The following SNRPN variants were observed in gnomAD, a reference collection of about 807,000 sequenced individuals.
The protein encoded by SNRPN is small nuclear ribonucleoprotein polypeptide N.
Under a neutral mutation model 25.2 loss-of-function variants are expected in SNRPN, and 7 were observed. That is an observed-to-expected ratio of 0.28 (90% CI 0.16 to 0.52). The LOEUF (loss-of-function observed/expected upper bound fraction) is 0.52, where lower values mean the gene tolerates loss of function less well. Among genes scored for constraint, SNRPN ranks in the 20% least tolerant of loss-of-function variants. SNRPN has a pLI of 0.96. For missense variants in SNRPN, 196 were observed against 322.5 expected, an observed-to-expected ratio of 0.61 and a Z score of 3.00; for synonymous variants, 124 against 110.6, an observed-to-expected ratio of 1.12 and a Z score of -0.76.
intron 2 of SNRPN, chr15:24,886,713 C>G (rs932928466): frequency 1.3e-5 from 2 of 152,164 alleles, no homozygotes; most frequent in Non-Finnish European, 2.9e-5. Flanking sequence ...ATGGGTCCAG[C>G]CATAGCACAC....
chr15:24,838,938 G>C lies in SNRPN; in HGVS notation c.-579+9033G>C, dbSNP rs116882434. On this transcript the variant is annotated intron_variant, in intron 2 of 12. Transcript: ENST00000400100. ...AGGGGGCCCTTTCTGGGGTTTTATG[G>C]TGGCCTGAACCACAAACCACCCCCA... 3.5e-3 allele frequency among the ~76,000 whole-genome samples: 528 copies of C among 152,040 alleles called. 21 individuals are homozygous for C. In the East Asian group the frequency reaches 0.081, roughly 23 times the overall value.
intron 3 of SNRPN, among the ~76,000 whole-genome samples, chr15:24,933,402 G>A (rs908194313): frequency 5.9e-5 from 9 of 152,098 alleles, no homozygotes; most frequent in Non-Finnish European, 1.2e-4. Context: ...GCTTAGTATG[G>A]TGTGTGTAGG....
chr15:24,921,881 C>T (rs777925252), intron 3 of SNRPN, among the ~76,000 whole-genome samples: 79 of 152,046 alleles, frequency 5.2e-4, no homozygotes, highest in Middle Eastern at 3.4e-3. Flanking sequence ...TCCATTTCCA[C>T]CTGTTATATG....
intron 2 of SNRPN, among the ~76,000 whole-genome samples, chr15:24,962,589 T>G (rs1012262572): frequency 6.6e-6 from 1 of 152,138 alleles, no homozygotes; most frequent in Non-Finnish European, 1.5e-5. Flanking sequence ...GATATTTAGG[T>G]GTTTGTTTTT....
intron 1 of SNRPN, 50 bp downstream of exon 1, chr15:24,955,112 C>A: frequency 6.2e-7 from 1 of 1,612,590 alleles, no homozygotes; most frequent in Non-Finnish European, 8.5e-7. Context: ...GGAGCGGCCA[C>A]TTTTATTCAT....
chr15:24,865,193 C>G (rs765676729), intron 1 of SNRPN, among the ~76,000 whole-genome samples: 1 of 151,984 alleles, frequency 6.6e-6, no homozygotes, highest in Non-Finnish European at 1.5e-5. Flanking sequence ...ATTACGGGCA[C>G]CTGCCACCAT....
intron 1 of SNRPN, among the ~76,000 whole-genome samples, chr15:24,885,890 T>C (rs2057162701): frequency 6.6e-6 from 1 of 152,172 alleles, no homozygotes; most frequent in Non-Finnish European, 1.5e-5. Flanking sequence ...CATATACATT[T>C]CAAAATAATA....
upstream of SNRPN, among the ~76,000 whole-genome samples, chr15:24,952,335 T>TA (rs1159914582): frequency 1.3e-5 from 2 of 152,184 alleles, no homozygotes; most frequent in Non-Finnish European, 2.9e-5. Flanking sequence ...TTTAAGTACA[T>TA]AACCTTAAGT....
chr15:24,972,192 G>C (rs1160525427), intron 3 of SNRPN, among the ~76,000 whole-genome samples: 2 of 150,822 alleles, frequency 1.3e-5, no homozygotes, highest in Non-Finnish European at 2.9e-5. Context: ...GGAAGTGGAG[G>C]CTGCAGTGAG....
upstream of SNRPN, among the ~76,000 whole-genome samples, chr15:24,855,121 A>G (rs990492994): frequency 6.6e-6 from 1 of 152,228 alleles, no homozygotes; most frequent in Non-Finnish European, 1.5e-5. Flanking sequence ...AGCCAAATAC[A>G]TAATTATCTG....
chr15:24,892,862 G>A (rs1230363501), intron 2 of SNRPN, among the ~76,000 whole-genome samples: 1 of 152,042 alleles, frequency 6.6e-6, no homozygotes, highest in Non-Finnish European at 1.5e-5. Flanking sequence ...CAATGGATAA[G>A]TTTACATGGG....
At chr15:24,967,763 G>T (rs2075861715) in intron 2 of SNRPN, among the ~76,000 whole-genome samples, 169 bp from the exon 3 acceptor site, 1 of 144,202 alleles carries the variant, frequency 6.9e-6, no homozygotes, top group South Asian at 2.1e-4. Flanking sequence ...AGCAGAAATT[G>T]CTTCATTGCA....
chr15:24,911,715 G>C (rs1051476299), intron 2 of SNRPN, among the ~76,000 whole-genome samples: 1 of 152,190 alleles, frequency 6.6e-6, no homozygotes, highest in Admixed American at 6.5e-5. Flanking sequence ...ATGCCTCAGG[G>C]CCCAATCAGA....
chr15:24,910,865 G>A (rs2152112403), intron 2 of SNRPN: 2 of 590,328 alleles, frequency 3.4e-6, no homozygotes, highest in Non-Finnish European at 6.0e-6. Flanking sequence ...TTGATTCAGG[G>A]TGCTTTTAGT....
chr15:24,954,500 A>C (rs1031426356), upstream of SNRPN, among the ~76,000 whole-genome samples: 1 of 152,166 alleles, frequency 6.6e-6, no homozygotes, highest in Non-Finnish European at 1.5e-5. Context: ...AATCGCACCA[A>C]ATTTGAACAA....
At chr15:24,901,165 G>A (rs780079623) in intron 2 of SNRPN, among the ~76,000 whole-genome samples, 7 of 152,148 alleles carry the variant, frequency 4.6e-5, no homozygotes, top group Non-Finnish European at 7.4e-5. Flanking sequence ...TTGGTTAGAT[G>A]TATTCCTTGG....
chr15:24,957,571 T>C (rs2063132484), intron 1 of SNRPN, among the ~76,000 whole-genome samples: 1 of 152,236 alleles, frequency 6.6e-6, no homozygotes. Flanking sequence ...TTTCTGTATT[T>C]ACATTTTCCC....
At chr15:24,848,799 C>G (rs1339297018) in intron 2 of SNRPN, 5 of 152,186 alleles carry the variant, frequency 3.3e-5, no homozygotes, top group African/African-American at 1.2e-4. Context: ...GCTTCAAGAT[C>G]AAACTTTCCC....
intron 1 of SNRPN, among the ~76,000 whole-genome samples, chr15:24,957,649 C>T (rs866656944): frequency 3.3e-5 from 5 of 152,050 alleles, no homozygotes; most frequent in East Asian, 3.9e-4. Flanking sequence ...CTACGAAGCC[C>T]GAAAAGCCTT....
Sources: allele counts gnomAD v4.1 joint callset (sites outside exome capture counted in the v4.1 genomes callset), GRCh38; gene constraint gnomAD v4.1.1; transcripts MANE v1.5; gene names NCBI Gene and HGNC (gene_info 2026-07-23, HGNC 2026-07-21).